The following OR5B2 variants were observed in gnomAD, a reference collection of about 807,000 sequenced individuals.
OR5B2 encodes the protein olfactory receptor 5B2.
For missense variants in OR5B2, 411 were observed against 367.0 expected (o/e 1.12, Z -0.98); for synonymous variants, 163 against 140.8 (o/e 1.16, Z -1.11).
At position 58,422,245 on chromosome 11, in the gene OR5B2, G is replaced by A. The variant is rs1855282184; in HGVS notation, c.*87C>T. On this transcript the variant is annotated 3_prime_UTR_variant, in exon 3 of 3. Transcript: ENST00000641342. ...CCTCATGAACTTAAATGTATTGTGG[G>A]GTTTCAAATGTAACTCATTGCATGA... is the stretch of plus-strand genomic sequence containing the variant. The A allele has an allele frequency of 1.4e-6, 1 of 737,894 alleles. No homozygotes were observed. The highest frequency in any genetic ancestry group is 2.4e-5 in the Admixed American group (1 of 41,418). The allele number at this position is 737,894 out of a possible 1,614,324, so 45.7% of individuals were successfully genotyped here. A position where few individuals can be genotyped will look rare whatever the true frequency, so the allele number is the denominator to read the frequency against.
At position 58,422,196 on chromosome 11, in the gene OR5B2, A is replaced by T. The variant is rs186095790; in HGVS notation, c.*136T>A. On this transcript the variant is annotated 3_prime_UTR_variant, in exon 3 of 3. Coordinates refer to ENST00000641342, the MANE Select transcript of OR5B2 (RefSeq NM_001005566.3). ...ATATTTTATTTTTATTAAAAAATTG[A>T]CTTCTAAAGAGGTAAGAATATCACC... 1.2e-3 allele frequency: 601 copies of T among 500,122 alleles called. 4 individuals carry two copies. Among genetic ancestry groups the T allele is most frequent in the Non-Finnish European group, 1.8e-3 (496 of 282,040 alleles). The allele number at this position is 500,122 out of a possible 1,614,324, so 31.0% of individuals were successfully genotyped here.
Position 58,425,544 on chromosome 11 carries a change from C to T in OR5B2, c.-29+1078G>A, listed in dbSNP as rs563847059. 2.5e-3 allele frequency among the ~76,000 whole-genome samples: 376 copies of T among 151,766 alleles called. 1 individual carries two copies. Among genetic ancestry groups the T allele is most frequent in the Non-Finnish European group, 4.1e-3 (280 of 67,886 alleles). ...AATACTAGGTCTAAAATTGGAAATT[C>T]GGTCATGAAATAATGCATAAATAAC... On this transcript the variant is annotated intron_variant, in intron 2 of 2. Transcript: ENST00000641342.
intron 1 of OR5B2, among the ~76,000 whole-genome samples, chr11:58,426,885 C>A (rs2119945989): frequency 6.6e-6 from 1 of 152,234 alleles, no homozygotes; most frequent in East Asian, 1.9e-4. Context: ...TCCTAAAGAG[C>A]TGTAAGAAGG....
At chr11:58,426,209 T>A (rs980815117) in intron 2 of OR5B2, among the ~76,000 whole-genome samples, 1 of 152,028 alleles carries the variant, frequency 6.6e-6, no homozygotes, top group Non-Finnish European at 1.5e-5. Flanking sequence ...GGGATACATG[T>A]ACAGGCTTGT....
intron 2 of OR5B2, among the ~76,000 whole-genome samples, chr11:58,423,810 C>T (rs1180988061): frequency 1.3e-5 from 2 of 152,182 alleles, no homozygotes; most frequent in African/African-American, 4.8e-5. Flanking sequence ...GAGAGTCGTT[C>T]TCAAGCTCAA....
chr11:58,423,076 A>G lies in OR5B2; in HGVS notation c.186T>C (p.Ser62=). ...CLHTPMYFFL[S]NLSLVDFGYS... is the part of the protein sequence containing the mutation. Reference sequence around the variant, plus strand: ...ATCCAAAGTCCACCAGAGACAGGTTACTGAGGAAAAAGTACATGGGGGTGT... The same window carrying G: ...ATCCAAAGTCCACCAGAGACAGGTTGCTGAGGAAAAAGTACATGGGGGTGT... Residue 62 remains serine (S), a synonymous_variant, in exon 3 of 3, where the codon AGT becomes AGC. Transcript: ENST00000641342. 6.2e-7 allele frequency: 1 copy of G among 1,613,744 alleles called. No homozygotes were observed. The highest frequency in any genetic ancestry group is 1.7e-5 in the Admixed American group (1 of 59,946).
chr11:58,425,642 T>TA (rs1185931388), intron 2 of OR5B2, among the ~76,000 whole-genome samples: 14 of 151,954 alleles, frequency 9.2e-5, no homozygotes, highest in African/African-American at 2.7e-4. Context: ...AAAGACAGAA[T>TA]AAAAAAACAC....
At position 58,422,421 on chromosome 11, in the gene OR5B2, G is replaced by T; in HGVS notation, c.841C>A (p.Pro281Thr). 6.2e-7 allele frequency: 1 copy of T among 1,613,626 alleles called. No individual in the cohort carries two copies. The highest frequency in any genetic ancestry group is 2.2e-5 in the East Asian group (1 of 44,840). The change falls in exon 3 of 3, where the codon CCC becomes ACC. Residue 281 changes from proline (P) to threonine (T), a missense_variant. Coordinates refer to ENST00000641342, the MANE Select transcript of OR5B2 (RefSeq NM_001005566.3). ...CTGTAGACCACAGGGTTCAGCATGGGGATGATCATAGCATAGAACACAGAT... is the reference window on the plus strand; with the variant it reads ...CTGTAGACCACAGGGTTCAGCATGGTGATGATCATAGCATAGAACACAGAT... ...MASVFYAMII[P>T]MLNPVVYSLR...
chr11:58,427,493 C>G (rs1855351635), intron 1 of OR5B2, among the ~76,000 whole-genome samples: 2 of 152,150 alleles, frequency 1.3e-5, no homozygotes, highest in South Asian at 4.1e-4. Flanking sequence ...CACTTCAGTT[C>G]TCTCATTAAT....
At chr11:58,427,722 C>T (rs764071612) in intron 1 of OR5B2, among the ~76,000 whole-genome samples, 1 of 152,148 alleles carries the variant, frequency 6.6e-6, no homozygotes, top group Non-Finnish European at 1.5e-5. Context: ...ATCAGTCCCT[C>T]CATATGTGAG....
rs183097186 is a variant in OR5B2, at chr11:58,423,875, T to G, written c.-28-586A>C. The stretch of plus-strand genomic sequence containing the variant: ...ATTTGAAGCAATTTACAATTACTCA[T>G]TGTCTTTGTTGGTGCAAACTTAGGC... On this transcript the variant is annotated intron_variant, in intron 2 of 2. Transcript: ENST00000641342. Among the ~76,000 whole-genome samples the G allele has an allele frequency of 8.5e-5, 13 of 152,270 alleles. No individual in the cohort carries two copies. In the East Asian group the frequency reaches 1.9e-3, roughly 23 times the overall value.
At chr11:58,423,402 T>G in intron 2 of OR5B2, 113 bp from the exon 3 acceptor site, 1 of 530,574 alleles carries the variant, frequency 1.9e-6, no homozygotes, top group South Asian at 3.7e-5. Context: ...TTCAAAATTC[T>G]ATAGATCTAA....
At chr11:58,423,342 G>GAAAT in intron 2 of OR5B2, 53 bp from the exon 3 acceptor site, 2 of 828,218 alleles carry the variant, frequency 2.4e-6, no homozygotes, top group Non-Finnish European at 3.8e-6. Context: ...AAGAGATTTA[G>GAAAT]AAATATATAA....
rs760240121 is a variant in OR5B2 at position 58,423,098 on chromosome 11, G to T, written c.164C>A (p.Thr55Asn). The T allele has an allele frequency of 1.9e-6, 3 of 1,613,614 alleles. No individual in the cohort carries two copies. The highest frequency in any genetic ancestry group is 1.3e-5 in the African/African-American group (1 of 74,884). Residue 55 changes from threonine to asparagine, a missense_variant, in exon 3 of 3, where the codon ACC (threonine) becomes AAC (asparagine). Transcript: ENST00000641342. ...LLILMDSCLH[T>N]PMYFFLSNLS... ...GTTACTGAGGAAAAAGTACATGGGGGTGTGGAGACAAGAGTCCATCAGGAT... is the reference window on the plus strand; with the variant it reads ...GTTACTGAGGAAAAAGTACATGGGGTTGTGGAGACAAGAGTCCATCAGGAT...
intron 2 of OR5B2, among the ~76,000 whole-genome samples, chr11:58,425,621 C>G (rs2119943098): frequency 6.6e-6 from 1 of 152,064 alleles, no homozygotes; most frequent in South Asian, 2.1e-4. Context: ...TCCAAGTTCT[C>G]TATGGCAAGG....
At chr11:58,423,378 G>T in intron 2 of OR5B2, 89 bp from the exon 3 acceptor site, 1 of 569,680 alleles carries the variant, frequency 1.8e-6, no homozygotes, top group Non-Finnish European at 2.9e-6. Context: ...TGTAATTATA[G>T]CAACAATTTG....
chr11:58,422,107 G>T lies in OR5B2; in HGVS notation c.*225C>A, dbSNP rs1855280524. The stretch of plus-strand genomic sequence containing the variant: ...GAATGTCATTAGTAAGTTTTGACCA[G>T]CAAGTTCCAAAAATTCTAACATTTC... On this transcript the variant is annotated 3_prime_UTR_variant, in exon 3 of 3. Coordinates refer to ENST00000641342, the MANE Select transcript of OR5B2 (RefSeq NM_001005566.3). 3 of 396,736 alleles carry T rather than the reference G, an allele frequency of 7.6e-6. No individual in the cohort carries two copies. In the South Asian group the frequency reaches 1.7e-4, roughly 22 times the overall value. The allele number at this position is 396,736 out of a possible 1,614,324, so 24.6% of individuals were successfully genotyped here.
Position 58,421,626 on chromosome 11 carries a change from T to A in OR5B2, c.*706A>T, listed in dbSNP as rs1287074371. ...TAAATAGATGTCATTATACATTTAT[T>A]CAAATCCATAGAAGGGACAACAGCA... On this transcript the variant is annotated 3_prime_UTR_variant, in exon 3 of 3. Transcript: ENST00000641342. 6.6e-6 allele frequency: 1 copy of A among 152,124 alleles called. No homozygotes were observed. The highest frequency in any genetic ancestry group is 6.6e-5 in the Admixed American group (1 of 15,254). 9.4% of individuals were successfully genotyped at this position (152,124 alleles called of 1,614,324 possible).
intron 2 of OR5B2, 33 bp from the exon 3 acceptor site, chr11:58,423,322 TA>T: frequency 9.7e-7 from 1 of 1,029,000 alleles, no homozygotes; most frequent in South Asian, 1.8e-5. Context: ...AATAGAGTGA[TA>T]AACAAAAAAA....
Sources: allele counts gnomAD v4.1 joint callset (sites outside exome capture counted in the v4.1 genomes callset), GRCh38; gene constraint gnomAD v4.1.1; transcripts MANE v1.5; gene names NCBI Gene and HGNC (gene_info 2026-07-23, HGNC 2026-07-21).